VPS13B: variants seen among roughly 807,000 people sequenced by gnomAD.
VPS13B encodes the protein vacuolar protein sorting 13 homolog B, also known as intermembrane lipid transfer protein VPS13B.
VPS13B carries 285 observed loss-of-function variants against 426.4 expected under a neutral mutation model. That is an observed-to-expected ratio of 0.67 (90% CI 0.61 to 0.74). VPS13B has a LOEUF of 0.74. Among genes scored for constraint, VPS13B ranks in the 30% least tolerant of loss-of-function variants. VPS13B has a pLI of 0.00. For synonymous variants in VPS13B, 1,676 were observed against 1,676.4 expected, an observed-to-expected ratio of 1.00 and a Z score of 0.01; for missense variants, 4,537 against 4,782.6, an observed-to-expected ratio of 0.95 and a Z score of 1.51.
chr8:99,134,939 G>T lies in VPS13B; in HGVS notation c.1303-76G>T, dbSNP rs1809996417. The T allele has an allele frequency of 1.9e-6, 3 of 1,555,906 alleles. No individual in the cohort carries two copies. The East Asian group carries it at 6.8e-5, about 35-fold the overall frequency. ...ATTCTAAAGATGTTTAACTAATTTA[G>T]AGATTCTACAAGGAAAGCCTCTAAC... On this transcript the variant is annotated intron_variant, in intron 9 of 61. Coordinates refer to ENST00000357162, the MANE Select transcript of VPS13B (RefSeq NM_152564.5).
intron 3 of VPS13B, among the ~76,000 whole-genome samples, chr8:99,085,219 G>A (rs898092160): frequency 6.6e-6 from 1 of 152,058 alleles, no homozygotes; most frequent in African/African-American, 2.4e-5. Flanking sequence ...GGCCTTCTTT[G>A]TCTCTTTTGA....
intron 30 of VPS13B, among the ~76,000 whole-genome samples, chr8:99,523,581 T>C (rs1389401457): frequency 1.3e-5 from 2 of 152,238 alleles, no homozygotes; most frequent in Non-Finnish European, 2.9e-5. Context: ...AGTCTTTGCC[T>C]GGTAATTCAG....
chr8:99,843,943 A>T (rs752992065), intron 54 of VPS13B, among the ~76,000 whole-genome samples: 10 of 152,206 alleles, frequency 6.6e-5, no homozygotes, highest in Non-Finnish European at 1.5e-4. Context: ...GGTCCTTAAG[A>T]CACATTTCTT....
chr8:99,053,975 A>G (rs1050416406), intron 3 of VPS13B, among the ~76,000 whole-genome samples: 5 of 152,146 alleles, frequency 3.3e-5, no homozygotes, highest in African/African-American at 1.2e-4. Context: ...AAGTGCTGGG[A>G]TTACGGGCGT....
intron 52 of VPS13B, 63 bp downstream of exon 52, chr8:99,832,715 T>G: frequency 2.6e-6 from 4 of 1,548,664 alleles, no homozygotes; most frequent in Non-Finnish European, 2.7e-6. Context: ...TTCATCTAGA[T>G]GCCAAGAGAG....
chr8:99,645,008 G>A (rs966369199), intron 34 of VPS13B, among the ~76,000 whole-genome samples: 1 of 152,170 alleles, frequency 6.6e-6, no homozygotes, highest in Non-Finnish European at 1.5e-5. Flanking sequence ...CACAGACCTA[G>A]CAATAAACAG....
intron 19 of VPS13B, among the ~76,000 whole-genome samples, chr8:99,365,440 G>T (rs1812809728): frequency 6.7e-6 from 1 of 148,896 alleles, no homozygotes; most frequent in African/African-American, 2.5e-5. Flanking sequence ...CCTTAGTCCT[G>T]CTTTTGCTGT....
At position 99,150,948 on chromosome 8, in the gene VPS13B, G is replaced by C. The variant is rs560087569; in HGVS notation, c.2013+2938G>C. 4.6e-5 allele frequency among the ~76,000 whole-genome samples: 7 copies of C among 152,306 alleles called. No individual in the cohort carries two copies. In the South Asian group the frequency reaches 1.5e-3, roughly 32 times the overall value. On this transcript the variant is annotated intron_variant, in intron 14 of 61. Coordinates refer to ENST00000357162, the MANE Select transcript of VPS13B (RefSeq NM_152564.5). ...GCTAAAAGTATGTTTAGTTTTGTAAGAAGCTGCCAAATTGTCTTCCAAAGT... is the reference window on the plus strand; with the variant it reads ...GCTAAAAGTATGTTTAGTTTTGTAACAAGCTGCCAAATTGTCTTCCAAAGT...
At chr8:99,175,333 T>G (rs1447144192) in intron 16 of VPS13B, among the ~76,000 whole-genome samples, 1 of 152,172 alleles carries the variant, frequency 6.6e-6, no homozygotes, top group Non-Finnish European at 1.5e-5. Flanking sequence ...TTTTTGAGAT[T>G]TGTAACAATT....
intron 33 of VPS13B, among the ~76,000 whole-genome samples, chr8:99,605,093 A>G (rs1414270531): frequency 6.6e-6 from 1 of 152,104 alleles, no homozygotes; most frequent in Non-Finnish European, 1.5e-5. Flanking sequence ...AATATGTGAG[A>G]TTTGCACTAT....
intron 19 of VPS13B, among the ~76,000 whole-genome samples, chr8:99,298,208 G>T (rs1340476606): frequency 6.6e-6 from 1 of 152,148 alleles, no homozygotes; most frequent in Non-Finnish European, 1.5e-5. Context: ...ACTTTTGTCG[G>T]CCGGGTGCGG....
At chr8:99,832,232 C>T (rs58393536) in intron 51 of VPS13B, 137 bp from the exon 52 acceptor site, 15 of 1,267,726 alleles carry the variant, frequency 1.2e-5, no homozygotes, top group South Asian at 1.6e-5. Flanking sequence ...ACTGCACTCC[C>T]GCCTGCGTGA....
chr8:99,568,779 G>A (rs577892074), intron 31 of VPS13B, among the ~76,000 whole-genome samples: 17 of 151,364 alleles, frequency 1.1e-4, no homozygotes, highest in African/African-American at 4.1e-4. Context: ...GTAAGAGATG[G>A]TCTCAGGTGA....
At chr8:99,874,302 G>A (rs1415500979) in intron 61 of VPS13B, among the ~76,000 whole-genome samples, 2 of 152,176 alleles carry the variant, frequency 1.3e-5, no homozygotes, top group Admixed American at 1.3e-4. Context: ...GCTTTTGCCT[G>A]GTGGTGCAGA....
intron 8 of VPS13B, among the ~76,000 whole-genome samples, chr8:99,123,284 C>G (rs1333432186): frequency 6.6e-6 from 1 of 151,958 alleles, no homozygotes; most frequent in African/African-American, 2.4e-5. Context: ...AAAGAGGAAG[C>G]CTTATTGATA....
rs780240015 is a variant in VPS13B at position 99,391,519 on chromosome 8, C to G, written c.2935-38C>G. ...TTGCTGCTTAAGAAATAGTGAAAAA[C>G]TAAAAACTAAAAAGGTTTTCATTTT... is the stretch of plus-strand genomic sequence containing the variant. On this transcript the variant is annotated intron_variant, in intron 20 of 61. Coordinates refer to ENST00000357162, the MANE Select transcript of VPS13B (RefSeq NM_152564.5). The G allele has an allele frequency of 2.3e-5, 37 of 1,613,676 alleles. 1 individual carries two copies. The South Asian group carries it at 3.8e-4, about 17-fold the overall frequency.
At chr8:99,285,665 A>T (rs569949345) in intron 19 of VPS13B, among the ~76,000 whole-genome samples, 1 of 152,140 alleles carries the variant, frequency 6.6e-6, no homozygotes, top group Non-Finnish European at 1.5e-5. Context: ...TTAAGACCCA[A>T]TGACATTAGC....
chr8:99,140,382 A>AG (rs1212232824), intron 12 of VPS13B, among the ~76,000 whole-genome samples: 1 of 151,692 alleles, frequency 6.6e-6, no homozygotes, highest in African/African-American at 2.4e-5. Flanking sequence ...AAAAAAAAAA[A>AG]AAAAAAAAGG....
At chr8:99,090,994 A>G (rs992421709) in intron 3 of VPS13B, among the ~76,000 whole-genome samples, 2 of 152,200 alleles carry the variant, frequency 1.3e-5, no homozygotes, top group Non-Finnish European at 2.9e-5. Flanking sequence ...ATACCCACCA[A>G]TATGAAGGAA....
Sources: gnomAD v4.1 joint callset for allele counts (sites outside exome capture counted in the v4.1 genomes callset) on GRCh38, gnomAD v4.1.1 for gene constraint, MANE v1.5 for transcripts, NCBI Gene and HGNC (gene_info 2026-07-23, HGNC 2026-07-21) for gene names.